The following TMEM131 variants were observed in gnomAD, a reference collection of about 807,000 sequenced individuals.
TMEM131 encodes 2610524E03Rik.
In TMEM131, 66 loss-of-function variants were observed where a neutral mutation model predicts 211.6. The observed-to-expected ratio is 0.31, with a 90% CI of 0.26 to 0.38. The LOEUF (loss-of-function observed/expected upper bound fraction) is 0.38, where lower values mean the gene tolerates loss of function less well. TMEM131 is among the 10% of genes least tolerant of loss of function. The pLI is 1.00. For missense variants in TMEM131, 2,036 were observed against 2,299.3 expected, an observed-to-expected ratio of 0.89 and a Z score of 2.34; for synonymous variants, 844 against 841.3, an observed-to-expected ratio of 1.00 and a Z score of -0.06.
chr2:97,958,143 G>C (rs575940115), intron 1 of TMEM131, among the ~76,000 whole-genome samples: 2 of 152,332 alleles, frequency 1.3e-5, no homozygotes, highest in Non-Finnish European at 2.9e-5. Context: ...TCATTTCATA[G>C]GTCTGAAATC....
Position 97,815,216 on chromosome 2 carries a change from T to G in TMEM131, c.1275A>C (p.Gln425His). The G allele has an allele frequency of 1.3e-6, 2 of 1,546,018 alleles. No individual in the cohort carries two copies. The highest frequency in any genetic ancestry group is 1.7e-6 in the Non-Finnish European group (2 of 1,154,480). Reference sequence around the variant, plus strand: ...AAACTCACCCATCTAAAACTTCTGCTTGATATGGTATTTCAAGTTTAGAAT... The same window carrying G: ...AAACTCACCCATCTAAAACTTCTGCGTGATATGGTATTTCAAGTTTAGAAT... ...KSYSKLEIPY[Q>H]AEVLDGYLGF... Residue 425 changes from glutamine to histidine, a missense_variant, in exon 13 of 41, where the codon CAA becomes CAC. Physicochemically the swap from Gln to His is conservative, Grantham distance 24. Coordinates refer to ENST00000186436, the MANE Select transcript of TMEM131 (RefSeq NM_015348.2).
chr2:97,827,657 G>A (rs199878656), intron 11 of TMEM131: 1 of 920,394 alleles, frequency 1.1e-6, no homozygotes, highest in Non-Finnish European at 1.7e-6. Flanking sequence ...AGTAGCTCTA[G>A]AAACATTTTT....
intron 4 of TMEM131, among the ~76,000 whole-genome samples, chr2:97,886,985 C>A (rs969557414): frequency 6.6e-6 from 1 of 152,138 alleles, no homozygotes; most frequent in African/African-American, 2.4e-5. Flanking sequence ...CAGGGATGGC[C>A]CGCAGGGCTG....
intron 31 of TMEM131, among the ~76,000 whole-genome samples, chr2:97,788,711 A>T (rs929440691): frequency 1.3e-5 from 2 of 152,132 alleles, no homozygotes; most frequent in African/African-American, 4.8e-5. Flanking sequence ...CATTCTGCCC[A>T]GCGCTGCCTT....
chr2:97,965,107 A>C (rs1199153571), intron 1 of TMEM131, among the ~76,000 whole-genome samples: 1 of 152,216 alleles, frequency 6.6e-6, no homozygotes, highest in Non-Finnish European at 1.5e-5. Context: ...CCCTTGAAAC[A>C]GTGGAGTATA....
chr2:97,957,007 G>C (rs548104621), intron 1 of TMEM131, among the ~76,000 whole-genome samples: 1 of 151,218 alleles, frequency 6.6e-6, no homozygotes, highest in East Asian at 1.9e-4. Flanking sequence ...AGAGGCAGGA[G>C]AATAGCTTGA....
chr2:97,898,473 G>T (rs974971737), intron 3 of TMEM131, among the ~76,000 whole-genome samples: 1 of 152,082 alleles, frequency 6.6e-6, no homozygotes, highest in Non-Finnish European at 1.5e-5. Flanking sequence ...AATGGTGGGG[G>T]CCCTAATATA....
chr2:97,757,629 G>A (rs2104742766), intron 40 of TMEM131, among the ~76,000 whole-genome samples: 1 of 152,250 alleles, frequency 6.6e-6, no homozygotes, highest in East Asian at 1.9e-4. Context: ...TCAAACTCCT[G>A]GGCTCAAGTG....
intron 1 of TMEM131, among the ~76,000 whole-genome samples, chr2:97,957,606 TA>T (rs1041950501): frequency 2.0e-5 from 3 of 151,568 alleles, no homozygotes; most frequent in African/African-American, 7.3e-5. Context: ...AACCTAAACT[TA>T]AAAAAAGAAA....
At chr2:97,824,968 T>TAC (rs1199884260) in intron 11 of TMEM131, among the ~76,000 whole-genome samples, 3 of 152,180 alleles carry the variant, frequency 2.0e-5, no homozygotes, top group Non-Finnish European at 4.4e-5. Flanking sequence ...CCAACCCCTA[T>TAC]ACCCTGCTCT....
At chr2:97,778,268 CA>C (rs1679826797) in intron 31 of TMEM131, among the ~76,000 whole-genome samples, 2 of 152,096 alleles carry the variant, frequency 1.3e-5, no homozygotes, top group Admixed American at 1.3e-4. Context: ...ACTTCAGTAA[CA>C]AAAGATTAAT....
rs940363456 is a variant in TMEM131 at position 97,824,043 on chromosome 2, A to G, written c.1075-5322T>C. On this transcript the variant is annotated intron_variant, in intron 11 of 40. Transcript: ENST00000186436. ...ACAGCCTTAGTCAAGGCCCTCAAAC[A>G]AACCTTGGTGGTTCAGAGAGGAAAG... Among the ~76,000 whole-genome samples, 3 of 152,208 alleles carry G rather than the reference A, an allele frequency of 2.0e-5. No individual in the cohort carries two copies. The East Asian group carries it at 5.8e-4, about 29-fold the overall frequency.
At chr2:97,812,021 C>T (rs1464426034) in intron 17 of TMEM131, among the ~76,000 whole-genome samples, 1 of 152,172 alleles carries the variant, frequency 6.6e-6, no homozygotes, top group African/African-American at 2.4e-5. Context: ...GATACTGAGG[C>T]AGTATCTGGA....
intron 5 of TMEM131, among the ~76,000 whole-genome samples, chr2:97,855,845 T>A (rs1028131112): frequency 1.3e-5 from 2 of 152,244 alleles, no homozygotes; most frequent in East Asian, 3.8e-4. Flanking sequence ...TATTGCTACA[T>A]CGCATTTTGT....
rs1485269151 is a variant in TMEM131, at chr2:97,797,453, G to A, written c.2782C>T (p.Leu928=). The stretch of plus-strand genomic sequence containing the variant: ...TTCTTTTCTCCAGGTTTTAAAATTA[G>A]GTTTAAAATTAAATGTCGAGAGAGG... ...EGLSRHLILN[L]ILKPGEKKSV... The change falls in exon 26 of 41, where the codon CTA becomes TTA. Residue 928 remains leucine, a synonymous_variant. Transcript: ENST00000186436. 1 of 1,612,810 alleles carries A rather than the reference G, an allele frequency of 6.2e-7. No individual in the cohort carries two copies. The highest frequency in any genetic ancestry group is 8.5e-7 in the Non-Finnish European group (1 of 1,179,130).
chr2:97,766,362 T>G lies in TMEM131; in HGVS notation c.4574-99A>C, dbSNP rs1056485310. On this transcript the variant is annotated intron_variant, in intron 34 of 40. Coordinates refer to ENST00000186436, the MANE Select transcript of TMEM131 (RefSeq NM_015348.2). ...TCTAATGAGGACAAGAACACAGCCT[T>G]AGCCTTGCATGACTAATAACTACTG... is the stretch of plus-strand genomic sequence containing the variant. 49 of 1,597,398 alleles carry G rather than the reference T, an allele frequency of 3.1e-5. 1 individual carries two copies. The Middle Eastern group carries it at 2.7e-3, about 87-fold the overall frequency.
intron 31 of TMEM131, 130 bp downstream of exon 31, chr2:97,792,256 G>T: frequency 2.9e-6 from 2 of 681,834 alleles, no homozygotes; most frequent in Non-Finnish European, 4.6e-6. Flanking sequence ...GTCCAACACT[G>T]GAGATAAATC....
At chr2:97,787,197 T>C (rs1295527212) in intron 31 of TMEM131, among the ~76,000 whole-genome samples, 1 of 152,244 alleles carries the variant, frequency 6.6e-6, no homozygotes, top group East Asian at 1.9e-4. Flanking sequence ...AGACATTTAC[T>C]TCGTCTTTAT....
At chr2:97,809,854 G>A in intron 18 of TMEM131, 80 bp from the exon 19 acceptor site, 1 of 1,182,902 alleles carries the variant, frequency 8.5e-7, no homozygotes, top group Non-Finnish European at 1.2e-6. Context: ...ATATTTTGGG[G>A]TTAACCTAAT....
Sources: gnomAD v4.1 joint callset for allele counts (sites outside exome capture counted in the v4.1 genomes callset) on GRCh38, gnomAD v4.1.1 for gene constraint, MANE v1.5 for transcripts, NCBI Gene and HGNC (gene_info 2026-07-23, HGNC 2026-07-21) for gene names.